The following IL36B variants were observed in gnomAD, a reference collection of about 807,000 sequenced individuals.
IL36B encodes interleukin-36 beta.
Under a neutral mutation model 19.3 loss-of-function variants are expected in IL36B, and 23 were observed. The observed-to-expected ratio is 1.19, with a 90% CI of 0.86 to 1.69. IL36B has a LOEUF of 1.69. Among genes scored for constraint, IL36B ranks in the 40% most tolerant of loss-of-function variants. The probability of loss-of-function intolerance (pLI) is 0.00; values close to 1 mark genes in which losing one functional copy is unlikely to be tolerated. For missense variants in IL36B, 217 were observed against 200.5 expected (o/e 1.08, Z -0.50); for synonymous variants, 59 against 59.7 (o/e 0.99, Z 0.05).
At chr2:113,041,237 A>G (rs1685251850) in intron 1 of IL36B, among the ~76,000 whole-genome samples, 1 of 152,170 alleles carries the variant, frequency 6.6e-6, no homozygotes. Flanking sequence ...CACTATCTGT[A>G]CCACAAAATG....
chr2:113,034,198 C>A (rs544923937), intron 1 of IL36B, among the ~76,000 whole-genome samples: 2 of 152,278 alleles, frequency 1.3e-5, no homozygotes, highest in Admixed American at 1.3e-4. Flanking sequence ...ATCTGACTTC[C>A]CTGCTCTGGA....
chr2:113,049,954 T>TAAAAA (rs749594938), intron 1 of IL36B, among the ~76,000 whole-genome samples: 1 of 139,374 alleles, frequency 7.2e-6, no homozygotes, highest in South Asian at 2.3e-4. Flanking sequence ...AAACTCCGTC[T>TAAAAA]AAAAAAAAAA....
At chr2:113,050,049 G>T (rs138599498) in intron 1 of IL36B, among the ~76,000 whole-genome samples, 475 of 152,280 alleles carry the variant, frequency 3.1e-3, no homozygotes, top group Non-Finnish European at 5.1e-3. Context: ...CGGTATGGTT[G>T]TTCCTCAAAA....
At chr2:113,045,459 T>A (rs1685333466) in intron 1 of IL36B, among the ~76,000 whole-genome samples, 1 of 152,354 alleles carries the variant, frequency 6.6e-6, no homozygotes, top group African/African-American at 2.4e-5. Context: ...GTTTTCTTCA[T>A]ATTTCATGTG....
intron 1 of IL36B, among the ~76,000 whole-genome samples, chr2:113,033,055 T>C (rs1007280768): frequency 1.3e-5 from 2 of 152,200 alleles, no homozygotes; most frequent in Non-Finnish European, 2.9e-5. Context: ...CCCACTAAAC[T>C]GCATGAAGCC....
intron 1 of IL36B, among the ~76,000 whole-genome samples, chr2:113,048,505 C>T (rs906039328): frequency 6.6e-6 from 1 of 151,974 alleles, no homozygotes; most frequent in Non-Finnish European, 1.5e-5. Context: ...CTAAATCATG[C>T]TTGGAAAAAT....
chr2:113,031,519 A>G (rs1223882004), intron 2 of IL36B, among the ~76,000 whole-genome samples, 178 bp downstream of exon 2: 1 of 152,240 alleles, frequency 6.6e-6, no homozygotes, highest in Non-Finnish European at 1.5e-5. Flanking sequence ...TTCTAAATAC[A>G]GATAATAATA....
At chr2:113,041,215 G>C (rs1685251371) in intron 1 of IL36B, among the ~76,000 whole-genome samples, 1 of 150,332 alleles carries the variant, frequency 6.7e-6, no homozygotes. Context: ...GGAGAAAGAT[G>C]ATCCAAGAAA....
Position 113,031,329 on chromosome 2 carries a change from A to T in IL36B, c.14-174T>A, listed in dbSNP as rs569751106. On this transcript the variant is annotated intron_variant, in intron 2 of 5. Coordinates refer to ENST00000259213, the MANE Select transcript of IL36B (RefSeq NM_014438.5). ...AGGGCAGGGACTAGTTTGTGAATCA[A>T]AGCATTTGAAAGGATCTACGTGCAG... 1.2e-4 allele frequency among the ~76,000 whole-genome samples: 19 copies of T among 152,290 alleles called. No individual in the cohort carries two copies. In the South Asian group the frequency reaches 3.7e-3, roughly 30 times the overall value.
At chr2:113,049,064 G>A (rs1432952830) in intron 1 of IL36B, among the ~76,000 whole-genome samples, 4 of 151,922 alleles carry the variant, frequency 2.6e-5, no homozygotes, top group Non-Finnish European at 5.9e-5. Context: ...GGTGATGATG[G>A]TGATGGTGGA....
chr2:113,048,198 A>T (rs1489135476), intron 1 of IL36B, among the ~76,000 whole-genome samples: 1 of 152,180 alleles, frequency 6.6e-6, no homozygotes, highest in Non-Finnish European at 1.5e-5. Context: ...CACTTGAATC[A>T]CTTGAGATCA....
intron 1 of IL36B, among the ~76,000 whole-genome samples, chr2:113,032,122 C>CATGTGTGTGTCT (rs1685086594): frequency 5.2e-5 from 6 of 115,946 alleles, no homozygotes; most frequent in African/African-American, 1.7e-4. Flanking sequence ...AGACAGAGTG[C>CATGTGTGTGTCT]GTGTGTGTGT....
chr2:113,036,906 C>G (rs1013286753), intron 1 of IL36B, among the ~76,000 whole-genome samples: 3 of 152,240 alleles, frequency 2.0e-5, no homozygotes, highest in African/African-American at 7.2e-5. Context: ...GCCTATCTTG[C>G]CTGCATCCTG....
chr2:113,031,196 TC>T, intron 2 of IL36B, 41 bp from the exon 3 acceptor site: 4 of 1,371,986 alleles, frequency 2.9e-6, no homozygotes, highest in Non-Finnish European at 3.1e-6. Flanking sequence ...CGTGAGGTTA[TC>T]AACTTCAGGA....
chr2:113,042,016 A>G (rs1685266578), intron 1 of IL36B, among the ~76,000 whole-genome samples: 1 of 152,214 alleles, frequency 6.6e-6, no homozygotes, highest in African/African-American at 2.4e-5. Flanking sequence ...GTGACAAAGG[A>G]CATCTGATAT....
chr2:113,041,618 ACTT>A (rs1685258944), intron 1 of IL36B, among the ~76,000 whole-genome samples: 1 of 152,254 alleles, frequency 6.6e-6, no homozygotes, highest in Non-Finnish European at 1.5e-5. Context: ...ATAAAAACTT[ACTT>A]ATTAGGCTCA....
chr2:113,027,173 A>G (rs949568219), intron 4 of IL36B, among the ~76,000 whole-genome samples: 6 of 149,206 alleles, frequency 4.0e-5, no homozygotes, highest in African/African-American at 1.6e-4. Context: ...GGAGTGGATC[A>G]TCATAACAAT....
chr2:113,050,319 C>G (rs1573380066), intron 1 of IL36B, among the ~76,000 whole-genome samples: 1 of 149,284 alleles, frequency 6.7e-6, no homozygotes, highest in East Asian at 2.0e-4. Flanking sequence ...TGAAAGTAAA[C>G]TCAGTTAAGT....
intron 1 of IL36B, among the ~76,000 whole-genome samples, chr2:113,042,978 G>A (rs1274225102): frequency 6.6e-6 from 1 of 152,020 alleles, no homozygotes; most frequent in Non-Finnish European, 1.5e-5. Flanking sequence ...TAATAGGTAA[G>A]CAATACTAAT....
Sources: allele counts gnomAD v4.1 joint callset (sites outside exome capture counted in the v4.1 genomes callset), GRCh38; gene constraint gnomAD v4.1.1; transcripts MANE v1.5; gene names NCBI Gene and HGNC (gene_info 2026-07-23, HGNC 2026-07-21).